RALGPS1: variants seen among roughly 807,000 people sequenced by gnomAD.
The protein encoded by RALGPS1 is ras-specific guanine nucleotide-releasing factor RalGPS1.
RALGPS1 carries 19 observed loss-of-function variants against 78.8 expected under a neutral mutation model. The ratio of observed to expected loss-of-function variants is 0.24; its 90% CI spans 0.17 to 0.35. The LOEUF is 0.35. Ranked by LOEUF, RALGPS1 falls within the 10% of genes least tolerant of loss-of-function variation. RALGPS1 has a pLI of 1.00. For synonymous variants in RALGPS1, 228 were observed against 256.3 expected (o/e 0.89, Z 1.06); for missense variants, 454 against 688.3 (o/e 0.66, Z 3.81).
At chr9:127,036,323 G>A (rs565325076) in intron 5 of RALGPS1, among the ~76,000 whole-genome samples, 19 of 152,314 alleles carry the variant, frequency 1.2e-4, no homozygotes, top group East Asian at 3.9e-4. Context: ...GGATGAACTC[G>A]TTGGCGTCCC....
intron 8 of RALGPS1, among the ~76,000 whole-genome samples, chr9:127,147,899 A>G (rs2058190154): frequency 6.6e-6 from 1 of 152,218 alleles, no homozygotes; most frequent in African/African-American, 2.4e-5. Context: ...ACAGCCTTGC[A>G]AGGTTGGAGT....
At chr9:126,945,348 A>G (rs774069198) in intron 1 of RALGPS1, among the ~76,000 whole-genome samples, 2 of 151,784 alleles carry the variant, frequency 1.3e-5, no homozygotes, top group Admixed American at 6.6e-5. Context: ...ACAGGCACTC[A>G]CCACTACACC....
rs1420859462 is a variant in RALGPS1 at position 127,218,115 on chromosome 9, AG to A, written c.1645-622del. ...ATCAAATCCTCCCACAGCAGTGCTG[AG>A]GGAGGAGGTCTGGGGCTGAGGACCT... On this transcript the variant is annotated intron_variant, in intron 18 of 18. Transcript: ENST00000259351. The surrounding 1 kb of genome is among the most constrained non-coding windows in gnomAD (Gnocchi z 4.4). Among the ~76,000 whole-genome samples the A allele has an allele frequency of 6.6e-6, 1 of 152,048 alleles. No homozygotes were observed. Among genetic ancestry groups the A allele is most frequent in the Non-Finnish European group, 1.5e-5 (1 of 67,996 alleles).
chr9:126,956,376 C>T (rs1441353577), intron 1 of RALGPS1, among the ~76,000 whole-genome samples: 5 of 152,100 alleles, frequency 3.3e-5, no homozygotes, highest in East Asian at 3.9e-4. Flanking sequence ...AAGGACAGTC[C>T]GTTGTACTTG....
chr9:127,050,533 A>G (rs12551501), intron 6 of RALGPS1, among the ~76,000 whole-genome samples: 58,812 of 152,034 alleles, frequency 0.39, 13,052 homozygotes, highest in Non-Finnish European at 0.48. Flanking sequence ...TTGTGATATC[A>G]TTACATCCTG....
chr9:126,950,969 A>G (rs2037758731), intron 1 of RALGPS1, among the ~76,000 whole-genome samples: 1 of 152,236 alleles, frequency 6.6e-6, no homozygotes, highest in African/African-American at 2.4e-5. Flanking sequence ...GACACAATAA[A>G]AAATGATAAA....
At chr9:126,969,298 GGT>G (rs1486014204) in intron 3 of RALGPS1, among the ~76,000 whole-genome samples, 1 of 152,166 alleles carries the variant, frequency 6.6e-6, no homozygotes, top group African/African-American at 2.4e-5. Context: ...GCTATTCACA[GGT>G]GCAATTACAC....
At chr9:127,008,126 A>G (rs1588985025) in intron 4 of RALGPS1, among the ~76,000 whole-genome samples, 1 of 138,298 alleles carries the variant, frequency 7.2e-6, no homozygotes, top group South Asian at 2.6e-4. Context: ...GGTCTGGTCA[A>G]TTGGGAGACT....
At chr9:126,921,325 C>G (rs2034728999) in intron 1 of RALGPS1, among the ~76,000 whole-genome samples, 1 of 152,210 alleles carries the variant, frequency 6.6e-6, no homozygotes, top group Non-Finnish European at 1.5e-5. Flanking sequence ...ATAGGCTTGT[C>G]TGTAAGTGTT....
At chr9:127,048,640 T>C (rs923388919) in intron 5 of RALGPS1, among the ~76,000 whole-genome samples, 1 of 152,250 alleles carries the variant, frequency 6.6e-6, no homozygotes, top group African/African-American at 2.4e-5. Context: ...CATAAACGTG[T>C]GATTCTTTGA....
chr9:126,976,624 T>C (rs996855621), intron 3 of RALGPS1, among the ~76,000 whole-genome samples: 1 of 152,186 alleles, frequency 6.6e-6, no homozygotes, highest in Non-Finnish European at 1.5e-5. Flanking sequence ...TGCCGTTAAG[T>C]GACAGTGTCC....
At chr9:126,969,893 C>G (rs975320258) in intron 3 of RALGPS1, among the ~76,000 whole-genome samples, 2 of 152,120 alleles carry the variant, frequency 1.3e-5, no homozygotes, top group Admixed American at 1.3e-4. Flanking sequence ...TTGGCTGTCC[C>G]TGCTGGAGCT....
chr9:127,035,589 CTGGG>C (rs2046796928), intron 5 of RALGPS1, among the ~76,000 whole-genome samples: 3 of 152,172 alleles, frequency 2.0e-5, no homozygotes, highest in African/African-American at 7.2e-5. Flanking sequence ...CTCTCTCCAG[CTGGG>C]CCTTCTCTCT....
At chr9:126,993,826 A>C (rs1002479097) in intron 4 of RALGPS1, among the ~76,000 whole-genome samples, 1 of 152,162 alleles carries the variant, frequency 6.6e-6, no homozygotes, top group African/African-American at 2.4e-5. Context: ...CCTCTGAGAC[A>C]AAACTTCCAG....
intron 11 of RALGPS1, among the ~76,000 whole-genome samples, chr9:127,179,964 CT>C (rs1349414269): frequency 5.3e-5 from 8 of 152,310 alleles, no homozygotes; most frequent in African/African-American, 1.9e-4. Context: ...CTGGCCCCCA[CT>C]TTCCACCCCT....
In RALGPS1 at chr9:127,211,510, G is replaced by T. The variant is rs537449737; in HGVS notation, c.1248-621G>T. Among the ~76,000 whole-genome samples, 13 of 152,302 alleles carry T rather than the reference G, an allele frequency of 8.5e-5. No homozygotes were observed. The highest frequency in any genetic ancestry group is 1.2e-4 in the Non-Finnish European group (8 of 68,012). On this transcript the variant is annotated intron_variant, in intron 14 of 18. Transcript: ENST00000259351. The surrounding 1 kb of genome is among the most constrained non-coding windows in gnomAD (Gnocchi z 5.0). ...GCTTTCTGGCTGAAGCAGCCAGTAG[G>T]GGGTGGTGCCATTCCTGAGGCACCG... is the stretch of plus-strand genomic sequence containing the variant.
chr9:126,977,514 C>T (rs972740062), intron 3 of RALGPS1, among the ~76,000 whole-genome samples, 181 bp from the exon 4 acceptor site: 6 of 151,826 alleles, frequency 4.0e-5, no homozygotes, highest in African/African-American at 9.7e-5. Context: ...ATTTATGAAG[C>T]GGGGGAAGGG....
intron 4 of RALGPS1, among the ~76,000 whole-genome samples, chr9:127,029,134 A>G (rs746349652): frequency 6.6e-6 from 1 of 152,170 alleles, no homozygotes; most frequent in African/African-American, 2.4e-5. Context: ...AGAAGAATGT[A>G]GACTTCCTTG....
intron 5 of RALGPS1, among the ~76,000 whole-genome samples, chr9:127,038,538 T>C (rs1443754421): frequency 6.6e-6 from 1 of 152,262 alleles, no homozygotes; most frequent in Non-Finnish European, 1.5e-5. Context: ...TTCCTCATTG[T>C]GTAATACTCC....
Sources: gnomAD v4.1 joint callset for allele counts (sites outside exome capture counted in the v4.1 genomes callset) on GRCh38, gnomAD v4.1.1 for gene constraint, Gnocchi (gnomAD v3.1) non-coding constraint, MANE v1.5 for transcripts, NCBI Gene and HGNC (gene_info 2026-07-23, HGNC 2026-07-21) for gene names.